Variants in SSBP2 observed in about 807,000 individuals in gnomAD.
The protein encoded by SSBP2 is single-stranded DNA-binding protein 2.
Under a neutral mutation model 61.8 loss-of-function variants are expected in SSBP2, and 17 were observed. That is an observed-to-expected ratio of 0.28 (90% confidence interval 0.19 to 0.41). The LOEUF is 0.41. Ranked by LOEUF, SSBP2 falls within the 10% of genes least tolerant of loss-of-function variation. The probability of loss-of-function intolerance (pLI) is 1.00; values close to 1 mark genes in which losing one functional copy is unlikely to be tolerated. For missense variants in SSBP2, 310 were observed against 458.7 expected, an observed-to-expected ratio of 0.68 and a Z score of 2.96; for synonymous variants, 139 against 141.3, an observed-to-expected ratio of 0.98 and a Z score of 0.12.
At chr5:81,570,896 T>C (rs2153445486) in intron 4 of SSBP2, among the ~76,000 whole-genome samples, 1 of 152,308 alleles carries the variant, frequency 6.6e-6, no homozygotes, top group Middle Eastern at 3.4e-3. Context: ...AGTCCAATTA[T>C]TCCTGCCTGA....
At chr5:81,488,974 T>C (rs1238276496) in intron 6 of SSBP2, among the ~76,000 whole-genome samples, 1 of 152,128 alleles carries the variant, frequency 6.6e-6, no homozygotes, top group Non-Finnish European at 1.5e-5. Context: ...CGGCCACATA[T>C]GGTCTCTGCC....
intron 4 of SSBP2, among the ~76,000 whole-genome samples, chr5:81,518,035 T>C (rs1331538058): frequency 6.6e-6 from 1 of 152,092 alleles, no homozygotes; most frequent in Non-Finnish European, 1.5e-5. Context: ...ACACACTGAA[T>C]AACAATTTAT....
intron 4 of SSBP2, among the ~76,000 whole-genome samples, chr5:81,548,322 G>A (rs1244506131): frequency 1.3e-5 from 2 of 152,158 alleles, no homozygotes; most frequent in African/African-American, 2.4e-5. Flanking sequence ...GTACACTGTG[G>A]GCGCAGCATG....
chr5:81,686,469 G>T (rs139649885), intron 1 of SSBP2, among the ~76,000 whole-genome samples: 22 of 152,072 alleles, frequency 1.4e-4, no homozygotes, highest in African/African-American at 4.8e-4. Flanking sequence ...TTTATATTAA[G>T]ATTTATTCTG....
At chr5:81,513,495 A>G in intron 5 of SSBP2, 133 bp downstream of exon 5, 2 of 571,422 alleles carry the variant, frequency 3.5e-6, no homozygotes, top group South Asian at 4.5e-5. Context: ...AACCCATCTG[A>G]ATAATCAAGA....
chr5:81,435,363 C>T (rs932796513), intron 15 of SSBP2, among the ~76,000 whole-genome samples: 4 of 152,174 alleles, frequency 2.6e-5, no homozygotes, highest in African/African-American at 7.2e-5. Flanking sequence ...AAGAATAAAC[C>T]ACTTGAGGAC....
chr5:81,571,560 G>A (rs1021154879), intron 4 of SSBP2, among the ~76,000 whole-genome samples: 2 of 152,074 alleles, frequency 1.3e-5, no homozygotes, highest in Non-Finnish European at 2.9e-5. Flanking sequence ...CCACTGTTTA[G>A]GCAGGTCTCC....
At chr5:81,650,928 G>A (rs1462523661) in intron 1 of SSBP2, among the ~76,000 whole-genome samples, 1 of 152,090 alleles carries the variant, frequency 6.6e-6, no homozygotes, top group Admixed American at 6.6e-5. Flanking sequence ...AAACTTTAAA[G>A]ATATCAGATC....
At chr5:81,652,511 A>G (rs1029165604) in intron 1 of SSBP2, among the ~76,000 whole-genome samples, 16 of 152,246 alleles carry the variant, frequency 1.1e-4, no homozygotes, top group African/African-American at 3.4e-4. Context: ...TCCTCCTACC[A>G]TTAGAATCTG....
At chr5:81,688,164 T>G (rs190777602) in intron 1 of SSBP2, among the ~76,000 whole-genome samples, 1 of 152,016 alleles carries the variant, frequency 6.6e-6, no homozygotes, top group Non-Finnish European at 1.5e-5. Flanking sequence ...CCTGGGGTAA[T>G]AGGAGCCACA....
intron 1 of SSBP2, among the ~76,000 whole-genome samples, chr5:81,720,938 G>A (rs938680387): frequency 6.6e-6 from 1 of 151,888 alleles, no homozygotes; most frequent in Non-Finnish European, 1.5e-5. Context: ...AATAACCTGG[G>A]GTTTTCTTTT....
intron 1 of SSBP2, among the ~76,000 whole-genome samples, chr5:81,732,285 A>G (rs769178308): frequency 6.6e-6 from 1 of 152,222 alleles, no homozygotes; most frequent in Non-Finnish European, 1.5e-5. Context: ...GATCTATAAT[A>G]TGAATAAATC....
chr5:81,699,641 C>T (rs906297246), intron 1 of SSBP2, among the ~76,000 whole-genome samples: 1 of 152,176 alleles, frequency 6.6e-6, no homozygotes, highest in Non-Finnish European at 1.5e-5. Context: ...TTCCTCAACT[C>T]CGGTCTTGAA....
intron 1 of SSBP2, among the ~76,000 whole-genome samples, chr5:81,746,067 T>C (rs1191974054): frequency 2.0e-5 from 3 of 152,142 alleles, no homozygotes; most frequent in African/African-American, 7.2e-5. Flanking sequence ...CTGAAAACTT[T>C]CAACTTTTTT....
At chr5:81,552,360 G>A (rs922092263) in intron 4 of SSBP2, among the ~76,000 whole-genome samples, 10 of 152,056 alleles carry the variant, frequency 6.6e-5, no homozygotes, top group South Asian at 2.1e-4. Context: ...AGTAAAGGCC[G>A]GGCACGGTGG....
At chr5:81,626,059 T>G (rs1747112281) in intron 3 of SSBP2, among the ~76,000 whole-genome samples, 1 of 152,236 alleles carries the variant, frequency 6.6e-6, no homozygotes, top group African/African-American at 2.4e-5. Flanking sequence ...TTAAGAAAAC[T>G]ATCCTATCCA....
At chr5:81,653,312 G>A (rs1023004921) in intron 1 of SSBP2, among the ~76,000 whole-genome samples, 1 of 152,188 alleles carries the variant, frequency 6.6e-6, no homozygotes, top group Non-Finnish European at 1.5e-5. Flanking sequence ...ATTCCACAGT[G>A]TATATGTGCC....
At chr5:81,704,645 A>G (rs1007875120) in intron 1 of SSBP2, among the ~76,000 whole-genome samples, 5 of 151,808 alleles carry the variant, frequency 3.3e-5, no homozygotes, top group Admixed American at 6.6e-5. Context: ...AAAATACAAA[A>G]ATTAGTTGGG....
At chr5:81,687,074 C>T (rs1202477003) in intron 1 of SSBP2, among the ~76,000 whole-genome samples, 2 of 152,138 alleles carry the variant, frequency 1.3e-5, no homozygotes, top group Non-Finnish European at 2.9e-5. Context: ...GTTTTAACTT[C>T]GGATCACTGA....
Sources: gnomAD v4.1 joint callset for allele counts (sites outside exome capture counted in the v4.1 genomes callset) on GRCh38, gnomAD v4.1.1 for gene constraint, MANE v1.5 for transcripts, NCBI Gene and HGNC (gene_info 2026-07-23, HGNC 2026-07-21) for gene names.